The following EPB41L1 variants were observed in gnomAD, a reference collection of about 807,000 sequenced individuals.
EPB41L1 encodes erythrocyte membrane protein band 4.1 like 1, also known as band 4.1-like protein 1.
Under a neutral mutation model 97.8 loss-of-function variants are expected in EPB41L1, and 29 were observed. The ratio of observed to expected loss-of-function variants is 0.30; its 90% CI spans 0.22 to 0.40. EPB41L1 has a LOEUF of 0.40. EPB41L1 is among the 10% of genes least tolerant of loss of function. EPB41L1 has a pLI of 1.00. For synonymous variants in EPB41L1, 383 were observed against 459.2 expected, an observed-to-expected ratio of 0.83 and a Z score of 2.12; for missense variants, 812 against 1,162.3, an observed-to-expected ratio of 0.70 and a Z score of 4.38.
chr20:36,222,448 A>C, intron 21 of EPB41L1, 54 bp downstream of exon 21: 1 of 1,408,394 alleles, frequency 7.1e-7, no homozygotes, highest in South Asian at 1.2e-5. Context: ...CAGTAGCAAG[A>C]TCCTCTGAGG....
Position 36,092,077 on chromosome 20 carries a change from A to C in EPB41L1, c.-65+465A>C, listed in dbSNP as rs1203353047. ...GTCCCCAGAGAGTCCAGAGGTTGCC[A>C]CCTGCGAGGGGCTGGAACGCACTGG... On this transcript the variant is annotated intron_variant, in intron 1 of 19. Coordinates refer to the EPB41L1 transcript ENST00000202028. This position sits in a 1 kb window ranked among gnomAD's most constrained non-coding sequence, Gnocchi z 7.0. 6.6e-6 allele frequency among the ~76,000 whole-genome samples: 1 copy of C among 152,122 alleles called. No individual in the cohort carries two copies. Among genetic ancestry groups the C allele is most frequent in the African/African-American group, 2.4e-5 (1 of 41,410 alleles).
At chr20:36,155,118 G>C (rs1484647934) in intron 1 of EPB41L1, 1 of 486,004 alleles carries the variant, frequency 2.1e-6, no homozygotes, top group East Asian at 7.0e-5. Flanking sequence ...GGGGGTTGGC[G>C]GGGGGTTGGT....
At chr20:36,132,977 A>T (rs1024756129) in intron 2 of EPB41L1, among the ~76,000 whole-genome samples, 1 of 152,266 alleles carries the variant, frequency 6.6e-6, no homozygotes, top group Non-Finnish European at 1.5e-5. Flanking sequence ...TCTCTGCATG[A>T]ATACTCTTGG....
At chr20:36,196,019 C>T (rs1361657972) in intron 13 of EPB41L1, among the ~76,000 whole-genome samples, 1 of 152,188 alleles carries the variant, frequency 6.6e-6, no homozygotes, top group Non-Finnish European at 1.5e-5. Context: ...TTGTTGCTTC[C>T]CCCAAATTAT....
chr20:36,228,752 G>C (rs758830723), intron 21 of EPB41L1, among the ~76,000 whole-genome samples: 7 of 152,122 alleles, frequency 4.6e-5, no homozygotes, highest in Non-Finnish European at 7.3e-5. Context: ...AAACACTGCT[G>C]TCTGTGGTTT....
intron 1 of EPB41L1, among the ~76,000 whole-genome samples, chr20:36,096,300 T>G (rs925993553): frequency 6.6e-6 from 1 of 152,190 alleles, no homozygotes; most frequent in Non-Finnish European, 1.5e-5. Flanking sequence ...CCAGGTCTTA[T>G]GATCTTGGAC....
chr20:36,217,238 G>GT (rs1343311584), intron 17 of EPB41L1, among the ~76,000 whole-genome samples: 2 of 152,214 alleles, frequency 1.3e-5, no homozygotes, highest in Non-Finnish European at 2.9e-5. Flanking sequence ...GACACAACTG[G>GT]TTTTAAAGGC....
At chr20:36,166,265 T>C (rs899719404) in intron 1 of EPB41L1, among the ~76,000 whole-genome samples, 1 of 152,272 alleles carries the variant, frequency 6.6e-6, no homozygotes, top group South Asian at 2.1e-4. Flanking sequence ...GTTTACTAGC[T>C]GTGTGACCTG....
Position 36,209,948 on chromosome 20 carries a change from A to T in EPB41L1, c.2079+50A>T. 1 of 1,601,138 alleles carries T rather than the reference A, an allele frequency of 6.2e-7. No homozygotes were observed. The highest frequency in any genetic ancestry group is 8.5e-7 in the Non-Finnish European group (1 of 1,174,674). The stretch of plus-strand genomic sequence containing the variant: ...CAGGCCCGCTGGGCACCGCATGCTC[A>T]GAGGGCCCTGGGCCACCCGTGAGAA... On this transcript the variant is annotated intron_variant, in intron 15 of 21. Coordinates refer to ENST00000338074, the MANE Select transcript of EPB41L1 (RefSeq NM_012156.2). The surrounding 1 kb of genome is among the most constrained non-coding windows in gnomAD (Gnocchi z 4.2).
At position 36,231,434 on chromosome 20, in the gene EPB41L1, G is replaced by C. The variant is rs775623112; in HGVS notation, c.*2094G>C. ...ACTATTCTCAGGCTGAAGAAGGTGG[G>C]AGGGGAGGGCGGAACCTGAGGAGCC... On this transcript the variant is annotated 3_prime_UTR_variant, in exon 22 of 22. Transcript: ENST00000338074. 4 of 152,274 alleles carry C rather than the reference G, an allele frequency of 2.6e-5. No individual in the cohort carries two copies. Among genetic ancestry groups the C allele is most frequent in the African/African-American group, 4.8e-5 (2 of 41,466 alleles). The allele number at this position is 152,274 out of a possible 1,614,324, so 9.4% of individuals were successfully genotyped here.
chr20:36,218,900 G>C lies in EPB41L1; in HGVS notation c.2293G>C (p.Gly765Arg). The C allele has an allele frequency of 6.2e-7, 1 of 1,614,194 alleles. No homozygotes were observed. The highest frequency in any genetic ancestry group is 8.5e-7 in the Non-Finnish European group (1 of 1,180,038). ...TMENSLKSGK[G>R]AAAMIPGPQT... The stretch of plus-strand genomic sequence containing the variant: ...GGAGAACAGTCTCAAGTCCGGGAAG[G>C]GGGCAGCTGCCATGATCCCAGGCCC... The change falls in exon 18 of 22, where the codon GGG becomes CGG. Residue 765 changes from glycine (G) to arginine (R), a missense_variant. Gly to Arg is a moderately radical substitution (Grantham distance 125). Coordinates refer to ENST00000338074, the MANE Select transcript of EPB41L1 (RefSeq NM_012156.2).
intron 21 of EPB41L1, among the ~76,000 whole-genome samples, chr20:36,223,151 G>C (rs1442858157): frequency 1.1e-4 from 16 of 152,236 alleles, no homozygotes; most frequent in Admixed American, 1.0e-3. Context: ...GCCCGCCTTG[G>C]CCTCCCAAAG....
At position 36,206,925 on chromosome 20, in the gene EPB41L1, C is replaced by T. The variant is rs1276478566; in HGVS notation, c.1669-2563C>T. ...TGCATCCCGACCCCCAGGCCTGCGC[C>T]CTTCCTCGGGCCATCCCTCTGAATG... On this transcript the variant is annotated intron_variant, in intron 14 of 21. Coordinates refer to ENST00000338074, the MANE Select transcript of EPB41L1 (RefSeq NM_012156.2). The surrounding 1 kb of genome is among the most constrained non-coding windows in gnomAD (Gnocchi z 5.5). 4 of 1,289,964 alleles carry T rather than the reference C, an allele frequency of 3.1e-6. No homozygotes were observed. The highest frequency in any genetic ancestry group is 1.1e-4 in the East Asian group (2 of 18,024). 79.9% of individuals were successfully genotyped at this position (1,289,964 alleles called of 1,614,324 possible).
At chr20:36,139,552 C>A (rs902097081) in intron 2 of EPB41L1, among the ~76,000 whole-genome samples, 2 of 152,136 alleles carry the variant, frequency 1.3e-5, no homozygotes, top group African/African-American at 4.8e-5. Context: ...GCTTGTCTAT[C>A]CAATAACACA....
At chr20:36,201,426 C>CTTAG (rs1305186631) in intron 14 of EPB41L1, among the ~76,000 whole-genome samples, 1 of 152,154 alleles carries the variant, frequency 6.6e-6, no homozygotes, top group Non-Finnish European at 1.5e-5. Context: ...GACTTCTATG[C>CTTAG]TTAGGGTCAG....
At chr20:36,192,531 C>CAA (rs57675036) in intron 11 of EPB41L1, among the ~76,000 whole-genome samples, 142 of 44,918 alleles carry the variant, frequency 3.2e-3, no homozygotes, top group Middle Eastern at 9.1e-3. Flanking sequence ...GACTCCGTCT[C>CAA]AAAAAAAAAA....
At chr20:36,121,087 A>G (rs910070128) in intron 2 of EPB41L1, among the ~76,000 whole-genome samples, 5 of 151,236 alleles carry the variant, frequency 3.3e-5, no homozygotes, top group South Asian at 2.1e-4. Context: ...AAAAAAAAAA[A>G]AGAGAGCGAT....
At chr20:36,184,954 A>G (rs530103909) in intron 6 of EPB41L1, among the ~76,000 whole-genome samples, 163 bp from the exon 7 acceptor site, 2 of 152,386 alleles carry the variant, frequency 1.3e-5, no homozygotes, top group African/African-American at 2.4e-5. Context: ...TTGCAAAACC[A>G]TCTCATGAGA....
At chr20:36,223,132 G>T (rs746231555) in intron 21 of EPB41L1, among the ~76,000 whole-genome samples, 1 of 152,146 alleles carries the variant, frequency 6.6e-6, no homozygotes, top group Non-Finnish European at 1.5e-5. Context: ...CCCTGACCTC[G>T]GGTGATCTGC....
Sources: allele counts gnomAD v4.1 joint callset (sites outside exome capture counted in the v4.1 genomes callset), GRCh38; gene constraint gnomAD v4.1.1; non-coding constraint Gnocchi (gnomAD v3.1); transcripts MANE v1.5; gene names NCBI Gene and HGNC (gene_info 2026-07-23, HGNC 2026-07-21).